Variants in ELF1 observed in about 807,000 individuals in gnomAD.
ELF1 encodes ETS-related transcription factor Elf-1.
A neutral mutation model predicts 59.9 loss-of-function variants in ELF1; 24 were observed. That is an observed-to-expected ratio of 0.40 (90% CI 0.29 to 0.56). ELF1 has a LOEUF of 0.56. Ranked by LOEUF, ELF1 falls within the 20% of genes least tolerant of loss-of-function variation. The pLI, the probability that ELF1 is intolerant of heterozygous loss-of-function variation, is 0.44. For synonymous variants in ELF1, 248 were observed against 266.2 expected (o/e 0.93, Z 0.67); for missense variants, 627 against 742.2 (o/e 0.84, Z 1.80).
intron 3 of ELF1, 136 bp downstream of exon 3, chr13:40,958,700 A>G: frequency 8.2e-7 from 1 of 1,217,150 alleles, no homozygotes; most frequent in Non-Finnish European, 1.1e-6. Flanking sequence ...TTTCTTCTCC[A>G]TGTAGGGCTG....
At chr13:41,003,301 C>T (rs1314346803) in intron 1 of ELF1, among the ~76,000 whole-genome samples, 1 of 152,228 alleles carries the variant, frequency 6.6e-6, no homozygotes, top group African/African-American at 2.4e-5. Flanking sequence ...CACATGTCTA[C>T]CTAAGTTTTA....
intron 2 of ELF1, among the ~76,000 whole-genome samples, chr13:40,968,333 G>A (rs202108029): frequency 1.3e-5 from 2 of 152,132 alleles, no homozygotes; most frequent in East Asian, 1.9e-4. Flanking sequence ...AAAAATTAGG[G>A]TGACTGGTGA....
At chr13:41,028,817 T>G (rs1876050179) in intron 1 of ELF1, among the ~76,000 whole-genome samples, 1 of 152,188 alleles carries the variant, frequency 6.6e-6, no homozygotes, top group African/African-American at 2.4e-5. Context: ...CACTGCAACC[T>G]CTGCCTCCCA....
intron 1 of ELF1, among the ~76,000 whole-genome samples, chr13:41,041,814 T>G (rs1876623530): frequency 6.6e-6 from 1 of 152,108 alleles, no homozygotes; most frequent in African/African-American, 2.4e-5. Context: ...GGACTCAAGA[T>G]TCTCTATTTT....
chr13:40,968,768 G>A (rs1272671376), intron 2 of ELF1, among the ~76,000 whole-genome samples: 1 of 147,128 alleles, frequency 6.8e-6, no homozygotes, highest in African/African-American at 2.5e-5. Context: ...TGCCCAGGCT[G>A]TAGTACAGTG....
chr13:40,977,999 G>C (rs1250831678), intron 2 of ELF1, among the ~76,000 whole-genome samples: 1 of 152,156 alleles, frequency 6.6e-6, no homozygotes, highest in Non-Finnish European at 1.5e-5. Context: ...GTGGGAGTGG[G>C]GGAAGAATCT....
intron 1 of ELF1, among the ~76,000 whole-genome samples, chr13:41,015,465 G>A (rs1461409694): frequency 6.6e-6 from 1 of 152,100 alleles, no homozygotes; most frequent in Non-Finnish European, 1.5e-5. Context: ...AAATAGCATT[G>A]CTGCCTAAAA....
chr13:41,009,995 G>A (rs954110554), intron 1 of ELF1, among the ~76,000 whole-genome samples: 6 of 149,544 alleles, frequency 4.0e-5, no homozygotes, highest in African/African-American at 1.5e-4. Flanking sequence ...TTACTTACAG[G>A]ATATTATTAC....
At chr13:41,044,479 TTTA>T (rs1876756763) in intron 1 of ELF1, among the ~76,000 whole-genome samples, 1 of 152,196 alleles carries the variant, frequency 6.6e-6, no homozygotes, top group Non-Finnish European at 1.5e-5. Context: ...CAATACAGAA[TTTA>T]TTAAGAGTTT....
chr13:40,955,769 A>G (rs1593360372), intron 3 of ELF1, among the ~76,000 whole-genome samples: 1 of 66,962 alleles, frequency 1.5e-5, no homozygotes. Context: ...TCCGGGAGGG[A>G]GGCGGGGGGG....
rs576076086 is a variant in ELF1, at chr13:40,983,745, CTTA to C, written c.-228-1466_-228-1464del. ...ACAGATAGATACATTTGGCCTTGTA[CTTA>C]TTATTATTTATAATACCTTTTTCCT... On this transcript the variant is annotated intron_variant, in intron 1 of 8. Coordinates refer to ENST00000239882, the MANE Select transcript of ELF1 (RefSeq NM_172373.4). Among the ~76,000 whole-genome samples, 101 of 152,188 alleles carry C rather than the reference CTTA, an allele frequency of 6.6e-4. 1 individual carries two copies. Among genetic ancestry groups the C allele is most frequent in the South Asian group, 5.2e-3 (25 of 4,808 alleles).
At chr13:40,963,402 C>T (rs974707657) in intron 2 of ELF1, among the ~76,000 whole-genome samples, 22 of 152,238 alleles carry the variant, frequency 1.4e-4, no homozygotes, top group Admixed American at 6.5e-4. Flanking sequence ...GCCAGTTCTT[C>T]TTGGTCAGCA....
intron 1 of ELF1, among the ~76,000 whole-genome samples, chr13:40,995,483 T>G (rs1475655358): frequency 1.3e-5 from 2 of 152,016 alleles, no homozygotes; most frequent in African/African-American, 4.8e-5. Context: ...CTATAACCTA[T>G]AGTAATCAAG....
At chr13:40,986,175 C>T (rs910381861) in intron 1 of ELF1, among the ~76,000 whole-genome samples, 4 of 152,210 alleles carry the variant, frequency 2.6e-5, no homozygotes, top group East Asian at 1.9e-4. Flanking sequence ...TAACACAAAG[C>T]AGTTCAGAGA....
At chr13:41,015,518 C>A (rs971095200) in intron 1 of ELF1, among the ~76,000 whole-genome samples, 7 of 152,150 alleles carry the variant, frequency 4.6e-5, no homozygotes, top group African/African-American at 1.7e-4. Flanking sequence ...CTCTTCATAG[C>A]CTTAAACCTG....
intron 1 of ELF1, among the ~76,000 whole-genome samples, chr13:41,047,824 A>T (rs1352613018): frequency 6.6e-6 from 1 of 152,228 alleles, no homozygotes; most frequent in Non-Finnish European, 1.5e-5. Context: ...GGGACATTTA[A>T]GTCTGCAGAG....
At chr13:41,040,519 G>A (rs1876562458) in intron 1 of ELF1, among the ~76,000 whole-genome samples, 1 of 152,138 alleles carries the variant, frequency 6.6e-6, no homozygotes, top group African/African-American at 2.4e-5. Context: ...TCACGGATGG[G>A]GGGCAGGGGT....
intron 4 of ELF1, among the ~76,000 whole-genome samples, chr13:40,950,519 G>C (rs915552085): frequency 6.6e-6 from 1 of 151,376 alleles, no homozygotes; most frequent in African/African-American, 2.4e-5. Context: ...TCTGTGTCTT[G>C]TATCTTTAAC....
intron 1 of ELF1, among the ~76,000 whole-genome samples, chr13:41,042,998 A>C (rs1375589864): frequency 6.6e-6 from 1 of 152,150 alleles, no homozygotes; most frequent in Non-Finnish European, 1.5e-5. Flanking sequence ...TTGCCATTCT[A>C]ACTGGTGTAA....
Sources: allele counts gnomAD v4.1 joint callset (sites outside exome capture counted in the v4.1 genomes callset), GRCh38; gene constraint gnomAD v4.1.1; transcripts MANE v1.5; gene names NCBI Gene and HGNC (gene_info 2026-07-23, HGNC 2026-07-21).